RBFOX1: variants seen among roughly 807,000 people sequenced by gnomAD.
RBFOX1 encodes RNA binding fox-1 homolog 1, also known as RNA binding protein fox-1 homolog 1.
In RBFOX1, 8 loss-of-function variants were observed where a neutral mutation model predicts 57.7. That is an observed-to-expected ratio of 0.14 (90% CI 0.08 to 0.25). RBFOX1 has a LOEUF of 0.25. Among genes scored for constraint, RBFOX1 ranks in the 10% least tolerant of loss-of-function variants. The pLI is 1.00. For missense variants in RBFOX1, 611 were observed against 548.5 expected, an observed-to-expected ratio of 1.11 and a Z score of -1.14; for synonymous variants, 326 against 222.4, an observed-to-expected ratio of 1.47 and a Z score of -4.15.
At chr16:6,190,920 T>G (rs1484778689) in intron 1 of RBFOX1, among the ~76,000 whole-genome samples, 1 of 152,114 alleles carries the variant, frequency 6.6e-6, no homozygotes, top group African/African-American at 2.4e-5. Context: ...TGAGAGTGAA[T>G]GACAACACGC....
intron 3 of RBFOX1, among the ~76,000 whole-genome samples, chr16:5,827,399 C>G (rs1464245552): frequency 1.0e-5 from 1 of 95,804 alleles, no homozygotes; most frequent in Non-Finnish European, 1.9e-5. Context: ...GACTCCATCT[C>G]AGGGAAAAAA....
intron 2 of RBFOX1, among the ~76,000 whole-genome samples, chr16:6,424,893 T>G (rs1475834396): frequency 6.6e-6 from 1 of 152,178 alleles, no homozygotes; most frequent in Non-Finnish European, 1.5e-5. Flanking sequence ...ATTTGCACTA[T>G]GTTTTACTTT....
At position 6,019,301 on chromosome 16, in the gene RBFOX1, C is replaced by T. The variant is rs2095024024; in HGVS notation, c.-818C>T. On this transcript the variant is annotated 5_prime_UTR_variant, in exon 1 of 16. Coordinates refer to ENST00000550418, the MANE Select transcript of RBFOX1 (RefSeq NM_018723.4). This position sits in a 1 kb window ranked among gnomAD's most constrained non-coding sequence, Gnocchi z 4.2. ...CCCGAGCGCGGGGTTTGAAGGTCAC[C>T]TCCTTTCCAGTCCCCGTGCGAGCCG... is the stretch of plus-strand genomic sequence containing the variant. 12 of 985,322 alleles carry T rather than the reference C, an allele frequency of 1.2e-5. No homozygotes were observed. In the South Asian group the frequency reaches 5.6e-4, roughly 46 times the overall value. The allele number at this position is 985,322 out of a possible 1,614,324, so 61.0% of individuals were successfully genotyped here. A position where few individuals can be genotyped will look rare whatever the true frequency, so the allele number is the denominator to read the frequency against.
rs2048400302 is a variant in RBFOX1 at position 5,628,209 on chromosome 16, G to A, written c.318+29248G>A. On this transcript the variant is annotated intron_variant, in intron 3 of 19. Transcript: ENST00000641259. ...ATAGTCTATTGAGAAATACATTGCA[G>A]CCCAGTGTTTGAGTTGAGGACTTGG... 2.0e-5 allele frequency among the ~76,000 whole-genome samples: 3 copies of A among 152,178 alleles called. No homozygotes were observed. In the South Asian group the frequency reaches 6.2e-4, roughly 32 times the overall value.
At chr16:5,806,241 G>C (rs1013630072) in intron 3 of RBFOX1, among the ~76,000 whole-genome samples, 2 of 152,202 alleles carry the variant, frequency 1.3e-5, no homozygotes, top group African/African-American at 4.8e-5. Context: ...GAGACTGAGT[G>C]AATTATTAAG....
intron 4 of RBFOX1, among the ~76,000 whole-genome samples, chr16:7,451,765 C>T (rs1283312483): frequency 6.9e-6 from 1 of 144,180 alleles, no homozygotes; most frequent in Non-Finnish European, 1.5e-5. Context: ...TTTGTAGAGG[C>T]AAGACCAAAT....
intron 2 of RBFOX1, among the ~76,000 whole-genome samples, chr16:6,359,447 C>T (rs898135681): frequency 6.6e-6 from 1 of 152,162 alleles, no homozygotes; most frequent in East Asian, 1.9e-4. Context: ...AAGGTGGAGA[C>T]TTTCAGCCAC....
intron 4 of RBFOX1, among the ~76,000 whole-genome samples, chr16:5,891,105 A>C (rs2151934607): frequency 6.6e-6 from 1 of 152,316 alleles, no homozygotes; most frequent in East Asian, 1.9e-4. Flanking sequence ...GTTAGTAGGC[A>C]GATAGTAGGC....
At chr16:7,497,516 T>G (rs1417696321) in intron 4 of RBFOX1, among the ~76,000 whole-genome samples, 1 of 152,198 alleles carries the variant, frequency 6.6e-6, no homozygotes, top group Non-Finnish European at 1.5e-5. Context: ...GTATCTCTCT[T>G]TATCCAGATC....
chr16:7,543,892 T>C (rs1425114256), intron 5 of RBFOX1, among the ~76,000 whole-genome samples: 1 of 44,414 alleles, frequency 2.3e-5, no homozygotes, highest in Non-Finnish European at 6.6e-5. Flanking sequence ...AGCTAATTTT[T>C]GTATTTTTAG....
chr16:6,014,066 A>T (rs2094978509), upstream of RBFOX1, among the ~76,000 whole-genome samples: 1 of 152,228 alleles, frequency 6.6e-6, no homozygotes, highest in African/African-American at 2.4e-5. Flanking sequence ...TGCATACGTA[A>T]CAAACCTGCA....
chr16:6,237,496 C>G (rs2097514121), intron 1 of RBFOX1, among the ~76,000 whole-genome samples: 5 of 152,280 alleles, frequency 3.3e-5, no homozygotes, highest in African/African-American at 7.2e-5. Flanking sequence ...AAATACCTGC[C>G]TTATTGGGAG....
In RBFOX1 at chr16:6,862,978, C is replaced by G. The variant is rs1245918588; in HGVS notation, c.-15-189079C>G. Among the ~76,000 whole-genome samples the G allele has an allele frequency of 3.9e-5, 4 of 102,248 alleles. No homozygotes were observed. The Admixed American group carries it at 3.9e-4, about 10-fold the overall frequency. The allele number at this position is 102,248 out of a possible 152,430, so 67.1% of individuals were successfully genotyped here. A position where few individuals can be genotyped will look rare whatever the true frequency, so the allele number is the denominator to read the frequency against. On this transcript the variant is annotated intron_variant, in intron 3 of 15. Coordinates refer to ENST00000550418, the MANE Select transcript of RBFOX1 (RefSeq NM_018723.4). Reference sequence around the variant, plus strand: ...CCAGCCTGGGCGACAGAGGGAGACTCTGTCTAAAAAAAAAAAAAGGAAGAC... The same window carrying G: ...CCAGCCTGGGCGACAGAGGGAGACTGTGTCTAAAAAAAAAAAAAGGAAGAC...
At chr16:6,726,788 T>C (rs904101421) in intron 3 of RBFOX1, among the ~76,000 whole-genome samples, 9 of 152,090 alleles carry the variant, frequency 5.9e-5, no homozygotes, top group Non-Finnish European at 1.3e-4. Context: ...ATTGCTATGT[T>C]CCCTACCAGG....
At chr16:5,643,757 T>C (rs2048956339) in intron 3 of RBFOX1, among the ~76,000 whole-genome samples, 1 of 152,198 alleles carries the variant, frequency 6.6e-6, no homozygotes, top group Non-Finnish European at 1.5e-5. Context: ...GTCACCATTT[T>C]ACTGATTCTT....
chr16:7,194,217 C>G (rs1215456989), intron 4 of RBFOX1, among the ~76,000 whole-genome samples: 1 of 152,184 alleles, frequency 6.6e-6, no homozygotes, highest in Non-Finnish European at 1.5e-5. Flanking sequence ...AAGCCTCCGG[C>G]TCAGTGTCTA....
intron 3 of RBFOX1, among the ~76,000 whole-genome samples, chr16:6,726,849 G>C (rs919956451): frequency 3.3e-5 from 5 of 152,218 alleles, no homozygotes; most frequent in African/African-American, 1.2e-4. Flanking sequence ...CTCTCTGTGG[G>C]ATGATTTGGG....
Position 6,107,410 on chromosome 16 carries a change from G to A in RBFOX1, c.-127+87418G>A, listed in dbSNP as rs560663228. Among the ~76,000 whole-genome samples, 4 of 152,106 alleles carry A rather than the reference G, an allele frequency of 2.6e-5. No homozygotes were observed. The East Asian group carries it at 7.7e-4, about 29-fold the overall frequency. ...ACATGCTCAGGGTACATATCTTTGT[G>A]TTTTTGTTTAGTAAGACACACTCCT... On this transcript the variant is annotated intron_variant, in intron 1 of 15. Transcript: ENST00000550418.
At chr16:7,538,868 C>T (rs1385732907) in intron 5 of RBFOX1, among the ~76,000 whole-genome samples, 1 of 150,380 alleles carries the variant, frequency 6.6e-6, no homozygotes, top group African/African-American at 2.5e-5. Flanking sequence ...CCCACCCCGC[C>T]ACTCAATCTC....
Sources: gnomAD v4.1 joint callset for allele counts (sites outside exome capture counted in the v4.1 genomes callset) on GRCh38, gnomAD v4.1.1 for gene constraint, Gnocchi (gnomAD v3.1) non-coding constraint, MANE v1.5 for transcripts, NCBI Gene and HGNC (gene_info 2026-07-23, HGNC 2026-07-21) for gene names.